RAP1GAP: variants seen among roughly 807,000 people sequenced by gnomAD.
The protein encoded by RAP1GAP is RAP1 GTPase activating protein.
Under a neutral mutation model 87.2 loss-of-function variants are expected in RAP1GAP, and 35 were observed. The observed-to-expected ratio is 0.40, with a 90% CI of 0.31 to 0.53. RAP1GAP has a LOEUF of 0.53. RAP1GAP is among the 20% of genes least tolerant of loss of function. RAP1GAP has a pLI of 0.48. For missense variants in RAP1GAP, 734 were observed against 898.9 expected (o/e 0.82, Z 2.35); for synonymous variants, 375 against 363.9 (o/e 1.03, Z -0.35).
intron 10 of RAP1GAP, chr1:21,612,926 T>C (rs1376337289): frequency 1.8e-6 from 1 of 546,906 alleles, no homozygotes; most frequent in Non-Finnish European, 3.3e-6. Flanking sequence ...GTTCCAGATG[T>C]GAGGCCAGCC....
At chr1:21,630,930 C>T (rs950648717) in intron 2 of RAP1GAP, among the ~76,000 whole-genome samples, 11 of 152,122 alleles carry the variant, frequency 7.2e-5, no homozygotes, top group African/African-American at 2.4e-4. Flanking sequence ...CTCTGCTTCA[C>T]GTCCTTTCCT....
chr1:21,627,770 G>A (rs528467939), intron 2 of RAP1GAP, among the ~76,000 whole-genome samples: 3 of 152,232 alleles, frequency 2.0e-5, no homozygotes, highest in African/African-American at 4.8e-5. Flanking sequence ...GAAATGGCCC[G>A]GAGGAACCAT....
chr1:21,652,440 A>G (rs1170686204), intron 1 of RAP1GAP, among the ~76,000 whole-genome samples: 1 of 152,172 alleles, frequency 6.6e-6, no homozygotes, highest in African/African-American at 2.4e-5. Flanking sequence ...GCAGGGGGAC[A>G]GCGTTCTACC....
chr1:21,618,520 G>A (rs534688256), intron 5 of RAP1GAP, among the ~76,000 whole-genome samples: 4 of 152,136 alleles, frequency 2.6e-5, no homozygotes, highest in South Asian at 4.2e-4. Flanking sequence ...CCCTGCCTCC[G>A]GTCAGTCTCC....
chr1:21,665,756 T>C (rs2097322033), intron 1 of RAP1GAP, among the ~76,000 whole-genome samples: 1 of 152,096 alleles, frequency 6.6e-6, no homozygotes, highest in African/African-American at 2.4e-5. Context: ...TTGGGTACCC[T>C]CCTCCTGGGC....
Position 21,612,162 on chromosome 1 carries a change from C to T in RAP1GAP, c.529-53G>A, listed in dbSNP as rs554296992. The T allele has an allele frequency of 8.6e-6, 12 of 1,390,140 alleles. No individual in the cohort carries two copies. The Admixed American group carries it at 9.8e-5, about 11-fold the overall frequency. The allele number at this position is 1,390,140 out of a possible 1,614,324, so 86.1% of individuals were successfully genotyped here. ...GCTGCGTGTGCAAGCTGCCATTCGA[C>T]GTGCTCTTCCCCCGTGCCAAGCACT... On this transcript the variant is annotated intron_variant, in intron 10 of 24. Transcript: ENST00000374765.
chr1:21,608,132 C>T (rs1046829614), intron 17 of RAP1GAP, 81 bp downstream of exon 17: 26 of 1,552,732 alleles, frequency 1.7e-5, no homozygotes, highest in Non-Finnish European at 2.2e-5. Context: ...ACGCCGTGTC[C>T]ATCAGTCTAT....
At chr1:21,660,353 T>TATATATATATATAGAGAGAGA in intron 1 of RAP1GAP, among the ~76,000 whole-genome samples, 1 of 26,812 alleles carries the variant, frequency 3.7e-5, no homozygotes, top group Non-Finnish European at 8.4e-5. Context: ...ATATATTTAT[T>TATATATATATATAGAGAGAGA]GAGACAGTCT....
chr1:21,611,979 G>A, intron 11 of RAP1GAP, 47 bp downstream of exon 11: 1 of 1,492,496 alleles, frequency 6.7e-7, no homozygotes, highest in Non-Finnish European at 9.2e-7. Context: ...TGAGGCTCCA[G>A]ATATGGGGCC....
intron 18 of RAP1GAP, among the ~76,000 whole-genome samples, chr1:21,604,971 G>A (rs1181811452): frequency 8.1e-6 from 1 of 123,842 alleles, no homozygotes; most frequent in Non-Finnish European, 1.7e-5. Flanking sequence ...GTGGGTGGGT[G>A]GATGGGTAGA....
chr1:21,669,289 ACTCTG>A lies in RAP1GAP; in HGVS notation c.-189_-185del, dbSNP rs2097506862. On this transcript the variant is annotated 5_prime_UTR_variant, in exon 1 of 25. Coordinates refer to ENST00000374765, the MANE Select transcript of RAP1GAP (RefSeq NM_002885.4). The surrounding 1 kb of genome is among the most constrained non-coding windows in gnomAD (Gnocchi z 5.6). ...GGGCCGGGGGCGTCCTGGGCTCGGC[ACTCTG>A]GTGCCCGCGGCCGCCGCTGCAGCTC... 1 of 1,185,426 alleles carries A rather than the reference ACTCTG, an allele frequency of 8.4e-7. No individual in the cohort carries two copies. Among genetic ancestry groups the A allele is most frequent in the South Asian group, 1.5e-5 (1 of 65,966 alleles). The allele number at this position is 1,185,426 out of a possible 1,614,324, so 73.4% of individuals were successfully genotyped here. A position where few individuals can be genotyped will look rare whatever the true frequency, so the allele number is the denominator to read the frequency against.
At position 21,609,285 on chromosome 1, in the gene RAP1GAP, GAAGA is replaced by G. The variant is rs1377376339; in HGVS notation, c.1071+286_1071+289del. Among the ~76,000 whole-genome samples the G allele has an allele frequency of 2.6e-5, 4 of 151,462 alleles. No homozygotes were observed. The highest frequency in any genetic ancestry group is 7.3e-5 in the African/African-American group (3 of 41,174). Reference sequence around the variant, plus strand: ...AGTGTGCCCCTCCCCAAACATTTTAGAAGAAAGAAAGAGACTGGAACTGTCAGAA... The same window carrying G: ...AGTGTGCCCCTCCCCAAACATTTTAGAAGAAAGAGACTGGAACTGTCAGAA... On this transcript the variant is annotated intron_variant, in intron 15 of 24. Coordinates refer to ENST00000374765, the MANE Select transcript of RAP1GAP (RefSeq NM_002885.4). The surrounding 1 kb of genome is among the most constrained non-coding windows in gnomAD (Gnocchi z 4.4).
chr1:21,661,113 G>A (rs1413682106), intron 1 of RAP1GAP, among the ~76,000 whole-genome samples: 3 of 152,128 alleles, frequency 2.0e-5, no homozygotes, highest in Non-Finnish European at 2.9e-5. Flanking sequence ...TTAGCTGGGC[G>A]TAGTGGTGCA....
chr1:21,613,285 G>GCCCC lies in RAP1GAP; in HGVS notation c.475-57_475-56insGGGG. On this transcript the variant is annotated intron_variant, in intron 9 of 24. Transcript: ENST00000374765. The surrounding 1 kb of genome is among the most constrained non-coding windows in gnomAD (Gnocchi z 4.7). The stretch of plus-strand genomic sequence containing the variant: ...GTGTGGGGCCAGGGAGGAGAGGATG[G>GCCCC]GGCTGCCTGGGCCTCCCTGGTCAAG... 7.0e-7 allele frequency: 1 copy of GCCCC among 1,422,384 alleles called. No homozygotes were observed. The highest frequency in any genetic ancestry group is 9.9e-7 in the Non-Finnish European group (1 of 1,005,898). 88.1% of individuals were successfully genotyped at this position (1,422,384 alleles called of 1,614,324 possible).
chr1:21,663,205 G>A (rs748093662), intron 1 of RAP1GAP, among the ~76,000 whole-genome samples: 17 of 152,210 alleles, frequency 1.1e-4, no homozygotes, highest in South Asian at 4.1e-4. Flanking sequence ...TCTAGAGGCA[G>A]GGAGCCCTGG....
intron 2 of RAP1GAP, among the ~76,000 whole-genome samples, chr1:21,642,189 G>A (rs1430333497): frequency 6.6e-6 from 1 of 152,244 alleles, no homozygotes; most frequent in East Asian, 1.9e-4. Context: ...ACAGTCACGT[G>A]TAGGCAGTCA....
chr1:21,651,417 C>G (rs936143796), intron 1 of RAP1GAP: 1 of 556,860 alleles, frequency 1.8e-6, no homozygotes, highest in Non-Finnish European at 3.6e-6. Context: ...GTTGCGCACA[C>G]ACGCATGCAC....
chr1:21,638,259 A>T (rs947534681), intron 2 of RAP1GAP, among the ~76,000 whole-genome samples: 1 of 152,006 alleles, frequency 6.6e-6, no homozygotes, highest in African/African-American at 2.4e-5. Flanking sequence ...GGAGTTTCAG[A>T]CCAGCCTGAC....
At position 21,616,190 on chromosome 1, in the gene RAP1GAP, C is replaced by CACACACACACAT. The variant is rs758719299; in HGVS notation, c.291+1115_291+1116insATGTGTGTGTGT. Among the ~76,000 whole-genome samples the CACACACACACAT allele has an allele frequency of 1.6e-3, 224 of 136,484 alleles. 3 individuals carry two copies. The highest frequency in any genetic ancestry group is 3.4e-3 in the Admixed American group (46 of 13,462). The allele number at this position is 136,484 out of a possible 152,430, so 89.5% of individuals were successfully genotyped here. ...ACACACACACACACACACACACACA[C>CACACACACACAT]ATACAATGACTAGGAGCATGATCTC... On this transcript the variant is annotated intron_variant, in intron 7 of 24. Transcript: ENST00000374765.
Sources: allele counts gnomAD v4.1 joint callset (sites outside exome capture counted in the v4.1 genomes callset), GRCh38; gene constraint gnomAD v4.1.1; non-coding constraint Gnocchi (gnomAD v3.1); transcripts MANE v1.5; gene names NCBI Gene and HGNC (gene_info 2026-07-23, HGNC 2026-07-21).